LSM6: variants seen among roughly 807,000 people sequenced by gnomAD.
The protein encoded by LSM6 is LSM6 homolog, U6 small nuclear RNA and mRNA degradation associated.
Under a neutral mutation model 13.5 loss-of-function variants are expected in LSM6, and 2 were observed. That is an observed-to-expected ratio of 0.15 (90% CI 0.06 to 0.47). The LOEUF (loss-of-function observed/expected upper bound fraction) is 0.47, where lower values mean the gene tolerates loss of function less well. Ranked by LOEUF, LSM6 falls within the 20% of genes least tolerant of loss-of-function variation. The pLI is 0.97. For synonymous variants in LSM6, 43 were observed against 34.9 expected, an observed-to-expected ratio of 1.23 and a Z score of -0.82; for missense variants, 58 against 96.4, an observed-to-expected ratio of 0.60 and a Z score of 1.67.
intron 2 of LSM6, among the ~76,000 whole-genome samples, chr4:146,184,067 T>C (rs1316963154): frequency 6.6e-6 from 1 of 152,094 alleles, no homozygotes; most frequent in East Asian, 1.9e-4. Flanking sequence ...TGGTGAGGGC[T>C]ACGTCCTCCA....
In LSM6 at chr4:146,190,480, CA is replaced by C. The variant is rs1329257317; in HGVS notation, c.*825del. 6.6e-6 allele frequency: 1 copy of C among 152,210 alleles called. No individual in the cohort carries two copies. Among genetic ancestry groups the C allele is most frequent in the East Asian group, 1.9e-4 (1 of 5,198 alleles). 9.4% of individuals were successfully genotyped at this position (152,210 alleles called of 1,614,324 possible). ...AAGCCTAGAGTTTGTAAACATAATT[CA>C]GGTTCTAATTGCCGAGCTGAGATTG... On this transcript the variant is annotated 3_prime_UTR_variant, in exon 4 of 4. Coordinates refer to ENST00000296581, the MANE Select transcript of LSM6 (RefSeq NM_007080.3).
intron 2 of LSM6, among the ~76,000 whole-genome samples, chr4:146,185,460 T>G (rs1442942471): frequency 6.6e-6 from 1 of 150,590 alleles, no homozygotes; most frequent in African/African-American, 2.4e-5. Context: ...GTGCTTATTT[T>G]GTGGTTTACA....
intron 1 of LSM6, among the ~76,000 whole-genome samples, chr4:146,182,356 C>T (rs1044752929): frequency 4.6e-5 from 7 of 152,150 alleles, no homozygotes; most frequent in African/African-American, 9.7e-5. Context: ...CTATATAATA[C>T]GGACTTTAAA....
chr4:146,189,563 T>C lies in LSM6; in HGVS notation c.209-59T>C, dbSNP rs928364018. 1.0e-5 allele frequency: 11 copies of C among 1,082,410 alleles called. No individual in the cohort carries two copies. In the African/African-American group the frequency reaches 1.7e-4, roughly 17 times the overall value. 67.1% of individuals were successfully genotyped at this position (1,082,410 alleles called of 1,614,324 possible). A position where few individuals can be genotyped will look rare whatever the true frequency, so the allele number is the denominator to read the frequency against. The stretch of plus-strand genomic sequence containing the variant: ...ATCTGTTGGCTTTTAAACTTGCTAC[T>C]ATGTATACTTACAAGCAGGGTTTTT... On this transcript the variant is annotated intron_variant, in intron 3 of 3. Coordinates refer to ENST00000296581, the MANE Select transcript of LSM6 (RefSeq NM_007080.3).
intron 3 of LSM6, among the ~76,000 whole-genome samples, chr4:146,189,419 G>A (rs1730420241): frequency 6.6e-6 from 1 of 152,154 alleles, no homozygotes. Context: ...GATGAAATTA[G>A]GACAGTTTTG....
intron 1 of LSM6, among the ~76,000 whole-genome samples, chr4:146,182,406 G>T (rs971530915): frequency 6.6e-6 from 1 of 152,170 alleles, no homozygotes; most frequent in Admixed American, 6.5e-5. Context: ...TCACATTTGG[G>T]AACAAATTAT....
At chr4:146,176,989 T>G (rs891499512) in intron 1 of LSM6, among the ~76,000 whole-genome samples, 8 of 152,048 alleles carry the variant, frequency 5.3e-5, no homozygotes, top group African/African-American at 1.9e-4. Flanking sequence ...TTTACTTGCT[T>G]AAATATTGTG....
chr4:146,179,683 A>G (rs1002098636), intron 1 of LSM6, among the ~76,000 whole-genome samples: 1 of 152,244 alleles, frequency 6.6e-6, no homozygotes, highest in Non-Finnish European at 1.5e-5. Flanking sequence ...AGAATACAAA[A>G]GAGGGCATAG....
intron 1 of LSM6, among the ~76,000 whole-genome samples, chr4:146,181,861 A>G (rs143692910): frequency 2.0e-5 from 3 of 152,348 alleles, no homozygotes; most frequent in East Asian, 1.9e-4. Flanking sequence ...GAGCTATTTT[A>G]TAAGAAAAGA....
chr4:146,183,744 TTTA>T (rs1730282521), intron 2 of LSM6: 2 of 141,594 alleles, frequency 1.4e-5, no homozygotes, highest in African/African-American at 4.9e-5. Flanking sequence ...TTGTATTTTT[TTTA>T]TTATTTATTT....
intron 1 of LSM6, chr4:146,181,004 T>C (rs1275887546): frequency 6.6e-6 from 1 of 152,250 alleles, no homozygotes; most frequent in Non-Finnish European, 1.5e-5. Flanking sequence ...GTAAATAAAA[T>C]TACTGTGTGA....
Position 146,182,926 on chromosome 4 carries a change from G to C in LSM6, c.5G>C (p.Ser2Thr). The stretch of plus-strand genomic sequence containing the variant: ...TTTTGATTTAGGATTGTTAAAATGA[G>C]TCTTCGGAAGCAAACCCCTAGTGAC... M[S>T]LRKQTPSDFL... Residue 2 changes from serine to threonine, a missense_variant, in exon 2 of 4, where the codon AGT becomes ACT. Physicochemically the swap from Ser to Thr is moderately conservative, Grantham distance 58. This residue lies in a region of LSM6 where 28 missense variants were observed against 32.6 expected (regional missense o/e 0.86). Transcript: ENST00000296581. The C allele has an allele frequency of 6.2e-7, 1 of 1,605,694 alleles. No homozygotes were observed. The highest frequency in any genetic ancestry group is 1.1e-5 in the South Asian group (1 of 90,908).
chr4:146,183,870 C>CTTTTTT (rs1206702736), intron 2 of LSM6, among the ~76,000 whole-genome samples: 5 of 117,496 alleles, frequency 4.3e-5, no homozygotes, highest in East Asian at 2.5e-4. Context: ...GGGTAATTTT[C>CTTTTTT]TTTTTTTTTT....
chr4:146,180,671 T>C (rs1328829916), intron 1 of LSM6, among the ~76,000 whole-genome samples: 1 of 152,164 alleles, frequency 6.6e-6, no homozygotes, highest in Non-Finnish European at 1.5e-5. Context: ...CTCCATGAAC[T>C]AGAATCACAT....
intron 2 of LSM6, among the ~76,000 whole-genome samples, chr4:146,185,015 T>C (rs1382103469): frequency 6.6e-6 from 1 of 152,192 alleles, no homozygotes; most frequent in Non-Finnish European, 1.5e-5. Context: ...AGGAATCTCT[T>C]GTGTGGCTGT....
rs1262420957 is a variant in LSM6 at position 146,182,994 on chromosome 4, A to G, written c.73A>G (p.Asn25Asp). The change falls in exon 2 of 4, where the codon AAT becomes GAT. Residue 25 changes from asparagine to aspartate, a missense_variant. Asn to Asp is a conservative substitution (Grantham distance 23, BLOSUM62 1). Around this residue, in one of 3 missense-constraint regions of LSM6, gnomAD observed 28 missense variants for 32.6 expected, o/e 0.86. Coordinates refer to ENST00000296581, the MANE Select transcript of LSM6 (RefSeq NM_007080.3). ...CGGACGACCAGTTGTGGTAAAATTAAATTCTGGAGTGGATTATCGAGGTAA... is the reference window on the plus strand; with the variant it reads ...CGGACGACCAGTTGTGGTAAAATTAGATTCTGGAGTGGATTATCGAGGTAA... ...IIGRPVVVKL[N>D]SGVDYRGVLA... The G allele has an allele frequency of 6.2e-7, 1 of 1,612,266 alleles. No individual in the cohort carries two copies. Among genetic ancestry groups the G allele is most frequent in the South Asian group, 1.1e-5 (1 of 91,028 alleles).
intron 2 of LSM6, among the ~76,000 whole-genome samples, chr4:146,185,673 G>A (rs1375112919): frequency 2.6e-5 from 4 of 150,944 alleles, no homozygotes; most frequent in African/African-American, 9.7e-5. Flanking sequence ...TTGTTTGTTT[G>A]TTTGTTTGTT....
intron 3 of LSM6, among the ~76,000 whole-genome samples, chr4:146,189,048 T>C (rs1412922159): frequency 6.6e-6 from 1 of 151,434 alleles, no homozygotes; most frequent in Non-Finnish European, 1.5e-5. Context: ...GGAGTGTAGT[T>C]GTGCAATCTC....
rs1374319429 is a variant in LSM6, at chr4:146,191,271, T to G, written c.*1615T>G. 1 of 152,244 alleles carries G rather than the reference T, an allele frequency of 6.6e-6. No homozygotes were observed. Among genetic ancestry groups the G allele is most frequent in the African/African-American group, 2.4e-5 (1 of 41,466 alleles). 9.4% of individuals were successfully genotyped at this position (152,244 alleles called of 1,614,324 possible). Reference sequence around the variant, plus strand: ...TAGAATATGTGGGGCTGCAGGTTATTGTGTCCCTTCATTCACTTATATCAG... The same window carrying G: ...TAGAATATGTGGGGCTGCAGGTTATGGTGTCCCTTCATTCACTTATATCAG... On this transcript the variant is annotated 3_prime_UTR_variant, in exon 4 of 4. Transcript: ENST00000296581.
Sources: gnomAD v4.1 joint callset for allele counts (sites outside exome capture counted in the v4.1 genomes callset) on GRCh38, gnomAD v4.1.1 for gene constraint, gnomAD v4.1.1 regional missense constraint, MANE v1.5 for transcripts, NCBI Gene and HGNC (gene_info 2026-07-23, HGNC 2026-07-21) for gene names.